GPHN: variants seen among roughly 807,000 people sequenced by gnomAD.
The protein encoded by GPHN is gephyrin.
In GPHN, 17 loss-of-function variants were observed where a neutral mutation model predicts 95.5. The ratio of observed to expected loss-of-function variants is 0.18; its 90% CI spans 0.12 to 0.27. The LOEUF (loss-of-function observed/expected upper bound fraction) is 0.27. GPHN is among the 10% of genes least tolerant of loss of function. GPHN has a pLI of 1.00. For synonymous variants in GPHN, 320 were observed against 322.5 expected (o/e 0.99, Z 0.08); for missense variants, 660 against 978.1 (o/e 0.67, Z 4.34).
chr14:67,028,090 C>A (rs1165106776), intron 10 of GPHN, among the ~76,000 whole-genome samples: 1 of 152,124 alleles, frequency 6.6e-6, no homozygotes, highest in East Asian at 1.9e-4. Flanking sequence ...GTGAGGTCAA[C>A]TTTTTTAACT....
At chr14:67,098,352 A>G (rs1257311547) in intron 12 of GPHN, among the ~76,000 whole-genome samples, 1 of 152,186 alleles carries the variant, frequency 6.6e-6, no homozygotes, top group African/African-American at 2.4e-5. Flanking sequence ...ATTGTTTTAA[A>G]AGTGTGATTA....
the GPHN span, chr14:67,600,327 A>AACTGAGGCTGCGCAG: frequency 2.5e-6 from 2 of 811,428 alleles, no homozygotes; most frequent in Non-Finnish European, 3.6e-6. Context: ...AAGCCTGCGC[A>AACTGAGGCTGCGCAG]GCCTCAGTTG....
At chr14:67,112,684 A>G (rs566405648) in intron 15 of GPHN, among the ~76,000 whole-genome samples, 1 of 152,336 alleles carries the variant, frequency 6.6e-6, no homozygotes, top group South Asian at 2.1e-4. Context: ...AAAGTTTACA[A>G]TTGGTATTTT....
the GPHN span, among the ~76,000 whole-genome samples, chr14:67,524,518 C>T: frequency 6.6e-6 from 1 of 152,182 alleles, no homozygotes; most frequent in Non-Finnish European, 1.5e-5. Context: ...ATGCCACTCC[C>T]ACCCAGAACC....
intron 10 of GPHN, among the ~76,000 whole-genome samples, chr14:67,047,334 T>TTTGTG (rs2075075686): frequency 0.012 from 1,359 of 109,658 alleles, 31 homozygotes; most frequent in African/African-American, 0.047. Flanking sequence ...GTGTGTGTGT[T>TTTGTG]TGTGTGTGTG....
intron 1 of GPHN, among the ~76,000 whole-genome samples, chr14:66,556,472 T>G (rs1403280043): frequency 6.6e-6 from 1 of 152,166 alleles, no homozygotes; most frequent in African/African-American, 2.4e-5. Context: ...TACTCTTGGT[T>G]CCTGCCAAAG....
chr14:67,685,701 T>C, the GPHN span, among the ~76,000 whole-genome samples: 1 of 151,982 alleles, frequency 6.6e-6, no homozygotes, highest in Non-Finnish European at 1.5e-5. Flanking sequence ...CTTCTGCCAC[T>C]GCCTTCCAGG....
intron 8 of GPHN, among the ~76,000 whole-genome samples, chr14:66,961,447 A>G (rs1241472765): frequency 6.6e-6 from 1 of 151,978 alleles, no homozygotes; most frequent in Non-Finnish European, 1.5e-5. Context: ...TTCGTTCATC[A>G]ATAGACATGA....
At chr14:67,119,365 A>G (rs2078879628) in intron 16 of GPHN, among the ~76,000 whole-genome samples, 1 of 152,218 alleles carries the variant, frequency 6.6e-6, no homozygotes. Context: ...ACATAATGTA[A>G]TGAATGTCTA....
chr14:67,041,348 C>G (rs961642213), intron 10 of GPHN, among the ~76,000 whole-genome samples: 1 of 151,980 alleles, frequency 6.6e-6, no homozygotes, highest in Non-Finnish European at 1.5e-5. Flanking sequence ...GGTATTTCTC[C>G]TAATGTTATC....
the GPHN span, among the ~76,000 whole-genome samples, chr14:67,497,616 C>A: frequency 1.3e-5 from 2 of 152,156 alleles, no homozygotes; most frequent in Non-Finnish European, 2.9e-5. Context: ...ATCCTAACTC[C>A]CTTTCTAAAA....
the GPHN span, among the ~76,000 whole-genome samples, chr14:67,479,249 T>A: frequency 6.6e-6 from 1 of 150,534 alleles, no homozygotes. Flanking sequence ...CTACTAAAAG[T>A]ACAAAAATTA....
At chr14:67,292,179 G>A in the GPHN span, among the ~76,000 whole-genome samples, 3 of 152,146 alleles carry the variant, frequency 2.0e-5, no homozygotes, top group African/African-American at 7.2e-5. Flanking sequence ...GAAATAGGAT[G>A]TTAAGAAAAA....
chr14:67,420,276 A>G, the GPHN span, among the ~76,000 whole-genome samples: 1 of 152,158 alleles, frequency 6.6e-6, no homozygotes, highest in African/African-American at 2.4e-5. Context: ...CCCTGTCTCC[A>G]TACACCCAGC....
chr14:67,188,448 G>A, the GPHN span, among the ~76,000 whole-genome samples: 2 of 152,206 alleles, frequency 1.3e-5, no homozygotes, highest in African/African-American at 2.4e-5. Flanking sequence ...ATCATCAACA[G>A]TTAAGAGATG....
chr14:67,314,244 G>A, the GPHN span, among the ~76,000 whole-genome samples: 292 of 152,304 alleles, frequency 1.9e-3, 4 homozygotes, highest in East Asian at 0.029. Context: ...GAGATACATA[G>A]TAGGAACAGA....
intron 9 of GPHN, among the ~76,000 whole-genome samples, chr14:66,992,555 A>G (rs1463923289): frequency 6.6e-6 from 1 of 152,180 alleles, no homozygotes; most frequent in Non-Finnish European, 1.5e-5. Context: ...TAAATAATGA[A>G]TTGGGTAACT....
At chr14:67,143,194 T>C in intron 17 of GPHN, 168 bp from the exon 18 acceptor site, 1 of 632,658 alleles carries the variant, frequency 1.6e-6, no homozygotes, top group Non-Finnish European at 2.9e-6. Flanking sequence ...ATAATAAGAC[T>C]TAATGCTCCT....
At chr14:67,057,381 T>C (rs1008433224) in intron 10 of GPHN, among the ~76,000 whole-genome samples, 11 of 142,740 alleles carry the variant, frequency 7.7e-5, no homozygotes, top group African/African-American at 2.5e-4. Flanking sequence ...AAAGTGGGAG[T>C]TGAACAACAA....
Sources: allele counts gnomAD v4.1 joint callset (sites outside exome capture counted in the v4.1 genomes callset), GRCh38; gene constraint gnomAD v4.1.1; transcripts MANE v1.5; gene names NCBI Gene and HGNC (gene_info 2026-07-23, HGNC 2026-07-21).